ACSL5: variants seen among roughly 807,000 people sequenced by gnomAD.
The protein encoded by ACSL5 is acyl-CoA synthetase long chain family member 5, also known as long-chain-fatty-acid--CoA ligase 5.
ACSL5 carries 50 observed loss-of-function variants against 84.9 expected under a neutral mutation model. The ratio of observed to expected loss-of-function variants is 0.59; its 90% CI spans 0.47 to 0.75. The LOEUF (loss-of-function observed/expected upper bound fraction) is 0.75, where lower values mean the gene tolerates loss of function less well. Ranked by LOEUF, ACSL5 falls within the 30% of genes least tolerant of loss-of-function variation. The probability of loss-of-function intolerance (pLI) is 0.00; values close to 1 mark genes in which losing one functional copy is unlikely to be tolerated. For missense variants in ACSL5, 775 were observed against 830.4 expected (o/e 0.93, Z 0.82); for synonymous variants, 280 against 300.7 (o/e 0.93, Z 0.71).
At position 112,413,201 on chromosome 10, in the gene ACSL5, T is replaced by C. The variant is rs1589692827; in HGVS notation, c.977T>C (p.Val326Ala). 1.2e-6 allele frequency: 2 copies of C among 1,614,030 alleles called. No homozygotes were observed. The highest frequency in any genetic ancestry group is 1.7e-6 in the Non-Finnish European group (2 of 1,180,004). ...QAVVYSCGAR[V>A]GFFQGDIRLL... ...GTTGTGTACAGCTGTGGAGCCAGAG[T>C]TGGATTCTTCCAAGGGGATATTCGG... The change falls in exon 12 of 21, where the codon GTT becomes GCT. Residue 326 changes from valine to alanine, a missense_variant. Transcript: ENST00000354655.
chr10:112,376,121 C>CA, intron 1 of ACSL5: 1 of 758,136 alleles, frequency 1.3e-6, no homozygotes. Flanking sequence ...AAGGCTTTGA[C>CA]ACGGAGCCAG....
intron 1 of ACSL5, 113 bp from the exon 2 acceptor site, chr10:112,394,805 C>T (rs577656785): frequency 5.4e-5 from 81 of 1,506,556 alleles, no homozygotes; most frequent in South Asian, 2.1e-4. Flanking sequence ...TGAAGGCGTG[C>T]GCGCGTGTGT....
At chr10:112,405,595 T>C (rs1185924998) in intron 5 of ACSL5, among the ~76,000 whole-genome samples, 1 of 152,134 alleles carries the variant, frequency 6.6e-6, no homozygotes, top group Non-Finnish European at 1.5e-5. Flanking sequence ...TCAGCCTCAA[T>C]AGAAAAAGGT....
At chr10:112,412,126 T>A in intron 11 of ACSL5, 147 bp downstream of exon 11, 1 of 778,614 alleles carries the variant, frequency 1.3e-6, no homozygotes, top group East Asian at 2.5e-5. Context: ...GGAGCCCTAA[T>A]CATGGCATGG....
chr10:112,376,701 G>A lies in ACSL5; in HGVS notation c.-30+2432G>A, dbSNP rs548318423. ...CACTTTCCTTCTCTCGACTCTCTTG[G>A]GGAAGGTGAACCAAAACAGAGACCT... On this transcript the variant is annotated intron_variant, in intron 1 of 20. Coordinates refer to ENST00000354655, the MANE Select transcript of ACSL5 (RefSeq NM_203379.2). Among the ~76,000 whole-genome samples, 9 of 152,206 alleles carry A rather than the reference G, an allele frequency of 5.9e-5. No individual in the cohort carries two copies. In the East Asian group the frequency reaches 1.7e-3, roughly 29 times the overall value.
Position 112,411,918 on chromosome 10 carries a change from C to T in ACSL5, c.887C>T (p.Thr296Ile), listed in dbSNP as rs142841880. Residue 296 changes from threonine (T) to isoleucine (I), a missense_variant, in exon 11 of 21, where the codon ACT becomes ATT. Transcript: ENST00000354655. ...LKCVEHAYEP[T>I]PDDVAISYLP... ...CCTACATAGCATGCTTATGAGCCCA[C>T]TCCTGATGATGTGGCCATATCCTAC... 10 of 1,613,952 alleles carry T rather than the reference C, an allele frequency of 6.2e-6. No individual in the cohort carries two copies. The South Asian group carries it at 1.1e-4, about 18-fold the overall frequency.
At chr10:112,390,285 C>T (rs1849531393) in intron 1 of ACSL5, among the ~76,000 whole-genome samples, 1 of 152,026 alleles carries the variant, frequency 6.6e-6, no homozygotes, top group Non-Finnish European at 1.5e-5. Flanking sequence ...AAAAAATGCT[C>T]AACATCCTTA....
At chr10:112,422,275 G>A in intron 16 of ACSL5, 50 bp from the exon 17 acceptor site, 1 of 1,513,512 alleles carries the variant, frequency 6.6e-7, no homozygotes, top group Non-Finnish European at 9.1e-7. Context: ...TGCCCACGCT[G>A]GGAGGAGCAG....
At chr10:112,417,794 A>T (rs1428911349) in intron 13 of ACSL5, 52 bp from the exon 14 acceptor site, 4 of 1,486,714 alleles carry the variant, frequency 2.7e-6, no homozygotes, top group South Asian at 1.1e-5. Flanking sequence ...CAGTGGAGGA[A>T]ATTGAAGCCA....
At chr10:112,421,518 G>C (rs534331951) in intron 14 of ACSL5, 75 bp from the exon 15 acceptor site, 36 of 1,348,502 alleles carry the variant, frequency 2.7e-5, no homozygotes, top group Non-Finnish European at 3.8e-5. Context: ...TGCTTTCCTC[G>C]TGTCTTGACC....
chr10:112,377,357 T>C (rs915106471), intron 1 of ACSL5, among the ~76,000 whole-genome samples: 4 of 152,156 alleles, frequency 2.6e-5, no homozygotes, highest in Non-Finnish European at 5.9e-5. Flanking sequence ...CTGGCCAACA[T>C]GGCGAAACCC....
At chr10:112,395,172 A>G (rs1489391134) in intron 2 of ACSL5, 70 bp downstream of exon 2, 2 of 1,475,968 alleles carry the variant, frequency 1.4e-6, no homozygotes, top group Non-Finnish European at 9.3e-7. Flanking sequence ...AAACCTAGGG[A>G]TAGCTCATGA....
chr10:112,416,767 A>G (rs1844323898), intron 12 of ACSL5, 121 bp from the exon 13 acceptor site: 2 of 1,104,570 alleles, frequency 1.8e-6, no homozygotes, highest in South Asian at 3.1e-5. Context: ...AATCCAATTC[A>G]TGACTGTGAG....
chr10:112,387,833 A>T (rs1849482929), intron 1 of ACSL5, among the ~76,000 whole-genome samples: 1 of 152,022 alleles, frequency 6.6e-6, no homozygotes, highest in South Asian at 2.1e-4. Context: ...ATGAAGGCAG[A>T]TTTTTTTAAA....
chr10:112,389,822 C>T (rs1849521905), intron 1 of ACSL5, among the ~76,000 whole-genome samples: 1 of 152,224 alleles, frequency 6.6e-6, no homozygotes, highest in Admixed American at 6.5e-5. Context: ...CACCTTCTCT[C>T]AGGCCCTTAG....
chr10:112,417,464 C>CT (rs1043199784), intron 13 of ACSL5, among the ~76,000 whole-genome samples: 1 of 150,862 alleles, frequency 6.6e-6, no homozygotes, highest in Non-Finnish European at 1.5e-5. Flanking sequence ...GATAGCACCA[C>CT]TGCACTCCAG....
At chr10:112,397,495 G>A (rs764471748) in intron 2 of ACSL5, among the ~76,000 whole-genome samples, 6 of 152,014 alleles carry the variant, frequency 3.9e-5, no homozygotes, top group South Asian at 4.2e-4. Flanking sequence ...TCTTGAATAC[G>A]CCGTCCTCTA....
intron 14 of ACSL5, chr10:112,418,953 G>A (rs908835368): frequency 1.3e-5 from 2 of 152,156 alleles, no homozygotes; most frequent in Non-Finnish European, 2.9e-5. Context: ...CTTGTGTTGT[G>A]CAAGGGTCAA....
chr10:112,377,901 C>A (rs779005848), intron 1 of ACSL5, among the ~76,000 whole-genome samples: 1 of 152,158 alleles, frequency 6.6e-6, no homozygotes, highest in African/African-American at 2.4e-5. Flanking sequence ...AGCAGGCATA[C>A]CCCAGATAAA....
Sources: gnomAD v4.1 joint callset for allele counts (sites outside exome capture counted in the v4.1 genomes callset) on GRCh38, gnomAD v4.1.1 for gene constraint, MANE v1.5 for transcripts, NCBI Gene and HGNC (gene_info 2026-07-23, HGNC 2026-07-21) for gene names.